GLMN: variants seen among roughly 807,000 people sequenced by gnomAD.
The protein encoded by GLMN is glomulin.
A neutral mutation model predicts 87.8 loss-of-function variants in GLMN; 75 were observed. The observed-to-expected ratio is 0.85, with a 90% CI of 0.71 to 1.04. The LOEUF (loss-of-function observed/expected upper bound fraction) is 1.04, where lower values mean the gene tolerates loss of function less well. Among genes scored for constraint, GLMN ranks in the 50% least tolerant of loss-of-function variants. GLMN has a pLI of 0.00. For synonymous variants in GLMN, 206 were observed against 221.6 expected, an observed-to-expected ratio of 0.93 and a Z score of 0.63; for missense variants, 588 against 658.8, an observed-to-expected ratio of 0.89 and a Z score of 1.18.
chr1:92,323,030 ATATT>A, the GLMN span, among the ~76,000 whole-genome samples: 7 of 146,478 alleles, frequency 4.8e-5, no homozygotes, highest in Non-Finnish European at 9.0e-5. Context: ...ATATTTTTAT[ATATT>A]TATATATCTT....
the GLMN span, among the ~76,000 whole-genome samples, chr1:92,343,418 A>T: frequency 6.6e-6 from 1 of 152,202 alleles, no homozygotes; most frequent in Admixed American, 6.5e-5. Flanking sequence ...CTGAGGACAG[A>T]TCTGGATATT....
the GLMN span, among the ~76,000 whole-genome samples, chr1:92,315,688 A>G: frequency 6.6e-6 from 1 of 152,196 alleles, no homozygotes; most frequent in East Asian, 1.9e-4. Flanking sequence ...TAAATTTAAG[A>G]TTTAGACAAA....
the GLMN span, among the ~76,000 whole-genome samples, chr1:92,338,322 G>A: frequency 1.3e-5 from 2 of 152,168 alleles, no homozygotes; most frequent in African/African-American, 4.8e-5. Context: ...CCTCAGATTG[G>A]CCTTGGCCTT....
the GLMN span, among the ~76,000 whole-genome samples, chr1:92,306,573 A>T: frequency 6.6e-6 from 1 of 152,212 alleles, no homozygotes; most frequent in Non-Finnish European, 1.5e-5. Flanking sequence ...TTTTAAACAA[A>T]AGAAGTGGCT....
intron 7 of GLMN, among the ~76,000 whole-genome samples, chr1:92,279,248 G>A (rs113916173): frequency 0.022 from 3,402 of 152,200 alleles, 156 homozygotes; most frequent in African/African-American, 0.077. Flanking sequence ...GTGAGGTCAG[G>A]AGTTTGAGAC....
the GLMN span, among the ~76,000 whole-genome samples, chr1:92,368,065 C>G: frequency 1.3e-5 from 2 of 152,100 alleles, no homozygotes; most frequent in African/African-American, 4.8e-5. Flanking sequence ...TATGGAGTTT[C>G]CAGTGGTTCA....
At chr1:92,332,474 G>A in the GLMN span, among the ~76,000 whole-genome samples, 4 of 152,006 alleles carry the variant, frequency 2.6e-5, no homozygotes, top group Non-Finnish European at 5.9e-5. Context: ...TCATATTGTC[G>A]TGTTTTATTA....
chr1:92,269,284 A>C (rs1655985587), intron 9 of GLMN, among the ~76,000 whole-genome samples: 1 of 152,052 alleles, frequency 6.6e-6, no homozygotes, highest in Non-Finnish European at 1.5e-5. Flanking sequence ...ATCACTGTCA[A>C]TAATCTAAAT....
the GLMN span, among the ~76,000 whole-genome samples, chr1:92,360,347 C>G: frequency 6.6e-6 from 1 of 152,200 alleles, no homozygotes; most frequent in African/African-American, 2.4e-5. Flanking sequence ...GGAGTGGAGA[C>G]CAGATTGCAA....
At chr1:92,355,057 C>T in the GLMN span, among the ~76,000 whole-genome samples, 1 of 151,880 alleles carries the variant, frequency 6.6e-6, no homozygotes, top group Non-Finnish European at 1.5e-5. Flanking sequence ...TGCTACCATA[C>T]CCAGCTAATT....
chr1:92,324,048 G>C, the GLMN span: 2 of 1,613,912 alleles, frequency 1.2e-6, no homozygotes, highest in African/African-American at 2.7e-5. Flanking sequence ...CTTTGATTGA[G>C]TGGAAGACAG....
intron 16 of GLMN, among the ~76,000 whole-genome samples, chr1:92,251,817 G>C (rs557165164): frequency 2.6e-4 from 38 of 145,232 alleles, no homozygotes; most frequent in African/African-American, 9.5e-4. Flanking sequence ...TTTTAAGATG[G>C]TGTCTTCTTG....
intron 3 of GLMN, among the ~76,000 whole-genome samples, chr1:92,294,920 C>A (rs1315355122): frequency 6.6e-6 from 1 of 152,182 alleles, no homozygotes. Context: ...CTTAGGTGAT[C>A]CACCCGCCTC....
the GLMN span, chr1:92,323,813 A>G: frequency 3.7e-6 from 6 of 1,614,120 alleles, no homozygotes; most frequent in Non-Finnish European, 4.2e-6. Context: ...GTAAATACTC[A>G]GAGTTCTTCA....
upstream of GLMN, chr1:92,303,877 C>A: frequency 1.4e-6 from 1 of 706,186 alleles, no homozygotes; most frequent in Non-Finnish European, 2.3e-6. Flanking sequence ...GGTACTATTG[C>A]TATCCCTGTG....
intron 16 of GLMN, among the ~76,000 whole-genome samples, chr1:92,256,326 A>G (rs2100823025): frequency 6.6e-6 from 1 of 152,300 alleles, no homozygotes; most frequent in African/African-American, 2.4e-5. Context: ...CCAGAGGTAC[A>G]AAGAGGAGGT....
At chr1:92,350,927 G>A in the GLMN span, among the ~76,000 whole-genome samples, 1 of 151,416 alleles carries the variant, frequency 6.6e-6, no homozygotes, top group East Asian at 2.0e-4. Flanking sequence ...GCAAGACTCT[G>A]TCTCAAAATA....
chr1:92,252,866 G>A (rs1383045251), intron 16 of GLMN, among the ~76,000 whole-genome samples: 1 of 152,140 alleles, frequency 6.6e-6, no homozygotes, highest in Non-Finnish European at 1.5e-5. Context: ...GAGGCTTACT[G>A]ATTTCCAGTT....
chr1:92,362,002 C>T, the GLMN span, among the ~76,000 whole-genome samples: 8 of 152,030 alleles, frequency 5.3e-5, no homozygotes, highest in Admixed American at 5.2e-4. Flanking sequence ...GATATTTGTT[C>T]GTTGAATTGG....
Sources: gnomAD v4.1 joint callset for allele counts (sites outside exome capture counted in the v4.1 genomes callset) on GRCh38, gnomAD v4.1.1 for gene constraint, MANE v1.5 for transcripts, NCBI Gene and HGNC (gene_info 2026-07-23, HGNC 2026-07-21) for gene names.